The following CACNG2 variants were observed in gnomAD, a reference collection of about 807,000 sequenced individuals.
CACNG2 encodes the protein voltage-dependent calcium channel gamma-2 subunit.
In CACNG2, 3 loss-of-function variants were observed where a neutral mutation model predicts 25.9. The observed-to-expected ratio is 0.12, with a 90% CI of 0.05 to 0.30. CACNG2 has a LOEUF of 0.30. Among genes scored for constraint, CACNG2 ranks in the 10% least tolerant of loss-of-function variants. CACNG2 has a pLI of 1.00. For synonymous variants in CACNG2, 167 were observed against 173.3 expected, an observed-to-expected ratio of 0.96 and a Z score of 0.29; for missense variants, 341 against 432.5, an observed-to-expected ratio of 0.79 and a Z score of 1.88.
chr22:36,604,530 C>T (rs748092588), intron 1 of CACNG2, among the ~76,000 whole-genome samples: 1 of 152,134 alleles, frequency 6.6e-6, no homozygotes, highest in Non-Finnish European at 1.5e-5. Flanking sequence ...ATTGATGTGG[C>T]AAACTACATT....
intron 1 of CACNG2, 26 bp downstream of exon 1, chr22:36,702,340 G>C (rs758889980): frequency 4.1e-5 from 63 of 1,525,304 alleles, no homozygotes; most frequent in South Asian, 6.7e-5. Context: ...GGGTGGAGAG[G>C]GGGGAGGAGA....
At chr22:36,615,920 A>G (rs1466435779) in intron 1 of CACNG2, among the ~76,000 whole-genome samples, 2 of 152,252 alleles carry the variant, frequency 1.3e-5, no homozygotes, top group African/African-American at 2.4e-5. Flanking sequence ...AAGTGTGTCT[A>G]TGTTCAAACA....
At chr22:36,679,207 T>TTTCTTTCTTTCTTTCTTTCTTTCC (rs1194624168) in intron 1 of CACNG2, among the ~76,000 whole-genome samples, 1 of 146,216 alleles carries the variant, frequency 6.8e-6, no homozygotes, top group African/African-American at 2.7e-5. Flanking sequence ...CCTTTCTTTC[T>TTTCTTTCTTTCTTTCTTTCTTTCC]TTCTTTCTTT....
chr22:36,686,641 G>A (rs1229565304), intron 1 of CACNG2, among the ~76,000 whole-genome samples: 1 of 152,168 alleles, frequency 6.6e-6, no homozygotes, highest in African/African-American at 2.4e-5. Flanking sequence ...CCACAAGCAT[G>A]AGTGAGCTGC....
intron 2 of CACNG2, among the ~76,000 whole-genome samples, chr22:36,572,488 G>A (rs1324691641): frequency 6.6e-6 from 1 of 152,194 alleles, no homozygotes; most frequent in East Asian, 1.9e-4. Context: ...GATCACTTGA[G>A]GTCAGGAGTT....
intron 1 of CACNG2, among the ~76,000 whole-genome samples, chr22:36,615,404 G>T (rs1936007464): frequency 6.6e-6 from 1 of 152,180 alleles, no homozygotes; most frequent in African/African-American, 2.4e-5. Context: ...CAATCTGACT[G>T]CTCAGCCACA....
At chr22:36,585,130 A>C (rs1935479139) in intron 2 of CACNG2, 1 of 152,194 alleles carries the variant, frequency 6.6e-6, no homozygotes, top group African/African-American at 2.4e-5. Context: ...TTTGGGTCAA[A>C]TTCCCTGCCA....
At chr22:36,601,716 C>G (rs1935756154) in intron 1 of CACNG2, among the ~76,000 whole-genome samples, 2 of 152,154 alleles carry the variant, frequency 1.3e-5, no homozygotes, top group South Asian at 4.1e-4. Context: ...AACTCCTGAC[C>G]TTGTGATCCA....
intron 1 of CACNG2, among the ~76,000 whole-genome samples, chr22:36,700,062 G>T (rs922390671): frequency 6.6e-6 from 1 of 152,254 alleles, no homozygotes; most frequent in Non-Finnish European, 1.5e-5. Context: ...CCTGAGGAGA[G>T]CCTGGCAGGG....
intron 1 of CACNG2, among the ~76,000 whole-genome samples, chr22:36,597,104 C>A (rs539210948): frequency 2.1e-4 from 32 of 152,300 alleles, no homozygotes; most frequent in Admixed American, 1.4e-3. Flanking sequence ...CTCACTGCAA[C>A]CTCCGCCTCC....
intron 1 of CACNG2, among the ~76,000 whole-genome samples, chr22:36,615,057 T>C (rs1359714881): frequency 6.6e-6 from 1 of 152,236 alleles, no homozygotes; most frequent in Non-Finnish European, 1.5e-5. Context: ...GAGAACGGAC[T>C]ATGTGTATTT....
intron 1 of CACNG2, among the ~76,000 whole-genome samples, chr22:36,610,037 C>A (rs959167456): frequency 6.7e-6 from 1 of 148,758 alleles, no homozygotes; most frequent in African/African-American, 2.5e-5. Context: ...CCTCCCGGAG[C>A]ACGGTCAGGC....
intron 1 of CACNG2, among the ~76,000 whole-genome samples, chr22:36,632,219 C>T (rs1041426829): frequency 6.6e-6 from 1 of 151,832 alleles, no homozygotes; most frequent in African/African-American, 2.4e-5. Context: ...GTCGGCTGCC[C>T]CAGATGGTCT....
chr22:36,637,278 A>G (rs966450661), intron 1 of CACNG2, among the ~76,000 whole-genome samples: 1 of 152,036 alleles, frequency 6.6e-6, no homozygotes, highest in African/African-American at 2.4e-5. Context: ...GACCCATGGG[A>G]GAGGCTTTGT....
At chr22:36,650,564 T>TG (rs1183619605) in intron 1 of CACNG2, among the ~76,000 whole-genome samples, 1 of 152,044 alleles carries the variant, frequency 6.6e-6, no homozygotes, top group Non-Finnish European at 1.5e-5. Context: ...AAAATAGACA[T>TG]GGGGGTCTCA....
At chr22:36,656,369 T>G (rs547710637) in intron 1 of CACNG2, among the ~76,000 whole-genome samples, 3 of 152,320 alleles carry the variant, frequency 2.0e-5, no homozygotes, top group Admixed American at 6.5e-5. Flanking sequence ...GGCTCATTTT[T>G]GACTCCTGTC....
At chr22:36,577,484 T>C (rs2145914565) in intron 2 of CACNG2, among the ~76,000 whole-genome samples, 1 of 151,866 alleles carries the variant, frequency 6.6e-6, no homozygotes, top group South Asian at 2.1e-4. Flanking sequence ...ACCCGGTCTC[T>C]ACTAAAAATA....
intron 1 of CACNG2, among the ~76,000 whole-genome samples, chr22:36,635,216 G>A (rs565385220): frequency 2.0e-5 from 3 of 151,486 alleles, no homozygotes; most frequent in South Asian, 2.1e-4. Flanking sequence ...CCCGGGAGGC[G>A]GAGCTTGCAG....
At chr22:36,661,937 G>T (rs1468072108) in intron 1 of CACNG2, among the ~76,000 whole-genome samples, 3 of 140,382 alleles carry the variant, frequency 2.1e-5, no homozygotes, top group African/African-American at 7.7e-5. Context: ...TTGATAACAG[G>T]TTCTGCTTCC....
Sources: allele counts gnomAD v4.1 joint callset (sites outside exome capture counted in the v4.1 genomes callset), GRCh38; gene constraint gnomAD v4.1.1; transcripts MANE v1.5; gene names NCBI Gene and HGNC (gene_info 2026-07-23, HGNC 2026-07-21).